The following RNF220 variants were observed in gnomAD, a reference collection of about 807,000 sequenced individuals.
The protein encoded by RNF220 is E3 ubiquitin-protein ligase RNF220.
In RNF220, 7 loss-of-function variants were observed where a neutral mutation model predicts 67.1. The observed-to-expected ratio is 0.10, with a 90% CI of 0.06 to 0.20. The LOEUF (loss-of-function observed/expected upper bound fraction) is 0.20, where lower values mean the gene tolerates loss of function less well. Among genes scored for constraint, RNF220 ranks in the 10% least tolerant of loss-of-function variants. The pLI, the probability that RNF220 is intolerant of heterozygous loss-of-function variation, is 1.00. For missense variants in RNF220, 565 were observed against 740.3 expected, an observed-to-expected ratio of 0.76 and a Z score of 2.75; for synonymous variants, 270 against 283.2, an observed-to-expected ratio of 0.95 and a Z score of 0.47.
At chr1:44,423,823 C>T (rs1012602686) in intron 2 of RNF220, 1 of 985,098 alleles carries the variant, frequency 1.0e-6, no homozygotes, top group Non-Finnish European at 1.2e-6. Flanking sequence ...GTGCATTGCT[C>T]AGGCTTGACT....
chr1:44,465,195 A>C (rs1003428729), intron 2 of RNF220, among the ~76,000 whole-genome samples: 7 of 152,098 alleles, frequency 4.6e-5, no homozygotes, highest in African/African-American at 1.7e-4. Context: ...TGTGTTGCTG[A>C]TAAAAATAAG....
chr1:44,490,083 C>T (rs1201477230), intron 2 of RNF220, among the ~76,000 whole-genome samples: 5 of 152,080 alleles, frequency 3.3e-5, no homozygotes, highest in South Asian at 2.1e-4. Flanking sequence ...TAAACTAAAC[C>T]GTTCTTCGTA....
rs558083858 is a variant in RNF220, at chr1:44,608,838, A to G, written c.626-5327A>G. 3.2e-4 allele frequency among the ~76,000 whole-genome samples: 49 copies of G among 152,346 alleles called. No individual in the cohort carries two copies. The East Asian group carries it at 3.9e-3, about 12-fold the overall frequency. ...TAAAAGATCTGGATCATAGAAGGGAAGAAGGCCAGATATAGGCAAGGCAGG... is the reference window on the plus strand; with the variant it reads ...TAAAAGATCTGGATCATAGAAGGGAGGAAGGCCAGATATAGGCAAGGCAGG... On this transcript the variant is annotated intron_variant, in intron 2 of 14. Transcript: ENST00000361799.
At chr1:44,472,305 T>C (rs923717145) in intron 2 of RNF220, among the ~76,000 whole-genome samples, 1 of 152,204 alleles carries the variant, frequency 6.6e-6, no homozygotes, top group Admixed American at 6.5e-5. Context: ...CTCTTTTCGA[T>C]AGCCACTGCA....
chr1:44,644,964 T>C, intron 9 of RNF220, 31 bp from the exon 10 acceptor site: 1 of 1,611,354 alleles, frequency 6.2e-7, no homozygotes, highest in Non-Finnish European at 8.5e-7. Context: ...TGCTGCAAAC[T>C]AGGATCCATT....
intron 2 of RNF220, chr1:44,423,699 C>G (rs1251325744): frequency 4.0e-6 from 1 of 248,094 alleles, no homozygotes; most frequent in Non-Finnish European, 6.4e-6. Flanking sequence ...ATCCTTTGCC[C>G]TACCCGGAAA....
intron 2 of RNF220, among the ~76,000 whole-genome samples, chr1:44,495,085 C>T (rs1463677493): frequency 6.6e-6 from 1 of 152,056 alleles, no homozygotes; most frequent in Admixed American, 6.6e-5. Flanking sequence ...TGGTGGCACA[C>T]ACCTGTAGTC....
At chr1:44,470,643 A>G (rs1437795335) in intron 2 of RNF220, among the ~76,000 whole-genome samples, 1 of 151,998 alleles carries the variant, frequency 6.6e-6, no homozygotes, top group Non-Finnish European at 1.5e-5. Context: ...GTTAATTTCT[A>G]TAGACCTTTA....
At position 44,536,889 on chromosome 1, in the gene RNF220, C is replaced by T. The variant is rs1211681840; in HGVS notation, c.626-77276C>T. ...AGTTATATATCAGGAGCTAACTGCA[C>T]GCCGGATTAGCTTGTTAGCATGATA... is the stretch of plus-strand genomic sequence containing the variant. On this transcript the variant is annotated intron_variant, in intron 2 of 14. Transcript: ENST00000361799. 3.9e-5 allele frequency among the ~76,000 whole-genome samples: 6 copies of T among 152,198 alleles called. No individual in the cohort carries two copies. The East Asian group carries it at 7.7e-4, about 20-fold the overall frequency.
chr1:44,405,859 G>A (rs1043120825), intron 1 of RNF220, among the ~76,000 whole-genome samples: 6 of 152,166 alleles, frequency 3.9e-5, no homozygotes, highest in Admixed American at 6.5e-5. Flanking sequence ...CAAGTTGGGA[G>A]GGTGAGGGCA....
At chr1:44,447,838 G>A (rs1652260117) in intron 2 of RNF220, among the ~76,000 whole-genome samples, 2 of 152,128 alleles carry the variant, frequency 1.3e-5, no homozygotes, top group South Asian at 2.1e-4. Flanking sequence ...CTCTGCCCCT[G>A]CTTCATGCTG....
chr1:44,523,172 T>G (rs1660074706), intron 2 of RNF220, among the ~76,000 whole-genome samples: 1 of 152,170 alleles, frequency 6.6e-6, no homozygotes, highest in Non-Finnish European at 1.5e-5. Flanking sequence ...GCTGGGGGCT[T>G]CCACATCCTG....
At chr1:44,611,840 CTGAG>C (rs1259128145) in intron 2 of RNF220, among the ~76,000 whole-genome samples, 1 of 152,190 alleles carries the variant, frequency 6.6e-6, no homozygotes, top group East Asian at 1.9e-4. Flanking sequence ...TAAATGTTTG[CTGAG>C]TGAAAGAATG....
intron 2 of RNF220, among the ~76,000 whole-genome samples, chr1:44,552,564 TTC>T (rs1452594859): frequency 5.0e-4 from 7 of 13,968 alleles, no homozygotes; most frequent in Admixed American, 9.7e-4. Flanking sequence ...TCTAAACTTC[TTC>T]TTTTTTTTTT....
Position 44,405,388 on chromosome 1 carries a change from T to TGCTGCTGCCGCTGCCGCCGCC in RNF220, c.-257_-237dup, listed in dbSNP as rs1557891877. On this transcript the variant is annotated 5_prime_UTR_variant, in exon 1 of 15. Transcript: ENST00000361799. Reference sequence around the variant, plus strand: ...GGGGCCAGCCGCCTACTGCTGCTGCTGCTGCTGCCGCTGCCGCCGCCGCCG... The same window carrying TGCTGCTGCCGCTGCCGCCGCC: ...GGGGCCAGCCGCCTACTGCTGCTGCTGCTGCTGCCGCTGCCGCCGCCGCTGCTGCCGCTGCCGCCGCCGCCG... 1.6e-6 allele frequency: 1 copy of TGCTGCTGCCGCTGCCGCCGCC among 629,114 alleles called. No individual in the cohort carries two copies. Among genetic ancestry groups the TGCTGCTGCCGCTGCCGCCGCC allele is most frequent in the South Asian group, 1.7e-5 (1 of 59,506 alleles). The allele number at this position is 629,114 out of a possible 1,614,324, so 39.0% of individuals were successfully genotyped here. A position where few individuals can be genotyped will look rare whatever the true frequency, so the allele number is the denominator to read the frequency against.
intron 2 of RNF220, among the ~76,000 whole-genome samples, chr1:44,533,666 G>C (rs1660996606): frequency 6.6e-6 from 1 of 152,202 alleles, no homozygotes; most frequent in Non-Finnish European, 1.5e-5. Flanking sequence ...ATTGACATGA[G>C]ATAGAAGTAC....
At chr1:44,426,492 T>C (rs1408407922) in intron 2 of RNF220, among the ~76,000 whole-genome samples, 1 of 152,154 alleles carries the variant, frequency 6.6e-6, no homozygotes, top group East Asian at 1.9e-4. Flanking sequence ...TTTGGGAGGC[T>C]GACGCAGGAG....
At chr1:44,463,813 A>T (rs940324379) in intron 2 of RNF220, among the ~76,000 whole-genome samples, 4 of 152,196 alleles carry the variant, frequency 2.6e-5, no homozygotes, top group South Asian at 2.1e-4. Context: ...TCACTCATGG[A>T]GTTTGAGCTT....
chr1:44,431,760 G>A (rs1264337526), intron 2 of RNF220, among the ~76,000 whole-genome samples: 8 of 152,306 alleles, frequency 5.3e-5, no homozygotes, highest in Admixed American at 1.3e-4. Context: ...GGTGGCCATC[G>A]GCTCTGTTTG....
Sources: allele counts gnomAD v4.1 joint callset (sites outside exome capture counted in the v4.1 genomes callset), GRCh38; gene constraint gnomAD v4.1.1; transcripts MANE v1.5; gene names NCBI Gene and HGNC (gene_info 2026-07-23, HGNC 2026-07-21).